LMAN1L: variants seen among roughly 807,000 people sequenced by gnomAD.
LMAN1L encodes lectin, mannose binding 1 like, also known as protein ERGIC-53-like.
Under a neutral mutation model 58.3 loss-of-function variants are expected in LMAN1L, and 60 were observed. The ratio of observed to expected loss-of-function variants is 1.03; its 90% confidence interval spans 0.84 to 1.27. LMAN1L has a LOEUF of 1.27. Among genes scored for constraint, LMAN1L ranks in the 50% most tolerant of loss-of-function variants. LMAN1L has a pLI of 0.00. For synonymous variants in LMAN1L, 280 were observed against 271.6 expected, an observed-to-expected ratio of 1.03 and a Z score of -0.31; for missense variants, 629 against 674.0, an observed-to-expected ratio of 0.93 and a Z score of 0.74.
chr15:74,820,385 G>A, intron 7 of LMAN1L: 1 of 624,656 alleles, frequency 1.6e-6, no homozygotes. Flanking sequence ...AACCAGCCAG[G>A]GGGTCAAGGA....
At chr15:74,816,754 C>CA in intron 4 of LMAN1L, 64 bp downstream of exon 4, 4 of 1,484,548 alleles carry the variant, frequency 2.7e-6, no homozygotes, top group Non-Finnish European at 3.7e-6. Context: ...CCATCCCCCC[C>CA]ATCCGAGCCC....
chr15:74,817,870 G>A (rs1357102912), intron 4 of LMAN1L, among the ~76,000 whole-genome samples: 4 of 151,966 alleles, frequency 2.6e-5, no homozygotes, highest in African/African-American at 7.3e-5. Context: ...AAAATTAGCC[G>A]GGTGTGGTGG....
At chr15:74,823,425 C>G in intron 11 of LMAN1L, 134 bp from the exon 12 acceptor site, 2 of 903,816 alleles carry the variant, frequency 2.2e-6, no homozygotes, top group Non-Finnish European at 3.4e-6. Context: ...GACCAGCCCC[C>G]AAGAAGGGGC....
At position 74,824,407 on chromosome 15, in the gene LMAN1L, C is replaced by T. The variant is rs1225259387; in HGVS notation, c.1380C>T (p.Cys460=). Residue 460 remains cysteine (C), a synonymous_variant, in exon 13 of 14, where the codon TGC becomes TGT. Coordinates refer to ENST00000309664, the MANE Select transcript of LMAN1L (RefSeq NM_021819.3). ...PPGQPPRASS[C]LQPGIFLFYL... ...GCCAGCCCCCAAGGGCCTCCTCGTG[C>T]CTGCAGCCTGGCATCTTCCTGTTCT... 1.2e-6 allele frequency: 2 copies of T among 1,613,828 alleles called. No homozygotes were observed. The highest frequency in any genetic ancestry group is 1.3e-5 in the African/African-American group (1 of 74,938).
intron 5 of LMAN1L, 136 bp downstream of exon 5, chr15:74,818,953 A>G: frequency 1.0e-6 from 1 of 974,962 alleles, no homozygotes; most frequent in Non-Finnish European, 1.5e-6. Flanking sequence ...TCCACAGGGG[A>G]TCCTCCATCC....
chr15:74,825,669 A>G lies in LMAN1L; in HGVS notation c.*64A>G. ...CAGTGTCTTGGGTGGGGGCTTGGTCAGTATCCTCTCCGTCTGGGTGCCCAG... is the reference window on the plus strand; with the variant it reads ...CAGTGTCTTGGGTGGGGGCTTGGTCGGTATCCTCTCCGTCTGGGTGCCCAG... On this transcript the variant is annotated 3_prime_UTR_variant, in exon 14 of 14. Coordinates refer to ENST00000309664, the MANE Select transcript of LMAN1L (RefSeq NM_021819.3). 6.5e-7 allele frequency: 1 copy of G among 1,548,558 alleles called. No individual in the cohort carries two copies. The highest frequency in any genetic ancestry group is 2.3e-5 in the East Asian group (1 of 43,920).
chr15:74,814,391 T>TTTG (rs1460685145), intron 1 of LMAN1L, among the ~76,000 whole-genome samples: 1 of 138,158 alleles, frequency 7.2e-6, no homozygotes, highest in Non-Finnish European at 1.6e-5. Context: ...TTTTTTTTTT[T>TTTG]GAGACGGAGT....
intron 13 of LMAN1L, 187 bp downstream of exon 13, chr15:74,824,665 C>T: frequency 1.6e-6 from 1 of 625,268 alleles, no homozygotes; most frequent in Non-Finnish European, 2.7e-6. Context: ...CTGCTCGGCC[C>T]CCAGCCCCAT....
At chr15:74,813,491 C>G (rs970032148) in intron 1 of LMAN1L, 12 of 456,970 alleles carry the variant, frequency 2.6e-5, no homozygotes, top group Admixed American at 1.2e-4. Context: ...TGAGTGGGCA[C>G]CAGCCCTTCC....
rs1426901701 is a variant in LMAN1L at position 74,822,659 on chromosome 15, T to C, written c.1149T>C (p.Gly383=). 1 of 1,614,016 alleles carries C rather than the reference T, an allele frequency of 6.2e-7. No individual in the cohort carries two copies. The highest frequency in any genetic ancestry group is 1.7e-5 in the Admixed American group (1 of 60,006). ...CTCTGCAGGACTCTGCCAAGGTCGG[T>C]GCCCTGCTCCATGGACAGTGGACTC... ...MSLNKDSAKV[G]ALLHGQWTLL... The change falls in exon 11 of 14, where the codon GGT becomes GGC. Residue 383 remains glycine, a synonymous_variant. Transcript: ENST00000309664.
chr15:74,823,930 C>A, intron 12 of LMAN1L: 2 of 551,632 alleles, frequency 3.6e-6, no homozygotes, highest in South Asian at 4.5e-5. Context: ...CAGCAGGGCC[C>A]TGGACACCCC....
rs764180457 is a variant in LMAN1L, at chr15:74,816,173, G to C, written c.192G>C (p.Leu64=). ...TGTCCACAGACGCCATCCTGGGCCT[G>C]GAGGAAGTGCGGCTGACGCCATCCA... ...WSHHGDAILG[L]EEVRLTPSMR... Residue 64 remains leucine (L), a synonymous_variant, in exon 2 of 14, where the codon CTG becomes CTC. Transcript: ENST00000309664. 2 of 1,551,580 alleles carry C rather than the reference G, an allele frequency of 1.3e-6. No individual in the cohort carries two copies. Among genetic ancestry groups the C allele is most frequent in the Non-Finnish European group, 1.7e-6 (2 of 1,148,250 alleles).
intron 1 of LMAN1L, among the ~76,000 whole-genome samples, chr15:74,814,565 G>C (rs1377987591): frequency 6.6e-6 from 1 of 152,098 alleles, no homozygotes; most frequent in African/African-American, 2.4e-5. Flanking sequence ...AGTAGAGATG[G>C]GGTTTCACCT....
chr15:74,824,382 G>A lies in LMAN1L; in HGVS notation c.1355G>A (p.Gly452Asp). Residue 452 changes from glycine to aspartate, a missense_variant, in exon 13 of 14, where the codon GGC becomes GAC. Gly to Asp is a moderately conservative substitution (Grantham distance 94). Coordinates refer to ENST00000309664, the MANE Select transcript of LMAN1L (RefSeq NM_021819.3). Reference protein sequence around the residue: ...KAAAKAPRPPGQPPRASSCLQ... With the variant: ...KAAAKAPRPPDQPPRASSCLQ... ...GCAGCCAAGGCCCCCCGCCCACCTG[G>A]CCAGCCCCCAAGGGCCTCCTCGTGC... The A allele has an allele frequency of 6.2e-7, 1 of 1,613,874 alleles. No individual in the cohort carries two copies. The highest frequency in any genetic ancestry group is 8.5e-7 in the Non-Finnish European group (1 of 1,179,798).
At chr15:74,818,959 C>G in intron 5 of LMAN1L, 142 bp downstream of exon 5, 1 of 968,918 alleles carries the variant, frequency 1.0e-6, no homozygotes, top group Non-Finnish European at 1.5e-6. Context: ...GGGGATCCTC[C>G]ATCCCTACAC....
chr15:74,821,686 C>A, intron 9 of LMAN1L, 143 bp from the exon 10 acceptor site: 1 of 622,972 alleles, frequency 1.6e-6, no homozygotes, highest in Non-Finnish European at 2.9e-6. Context: ...CAGAGGAGGC[C>A]AGCAGCTCTT....
Position 74,816,690 on chromosome 15 carries a change from G to A in LMAN1L, c.497G>A (p.Gly166Glu). Residue 166 changes from glycine to glutamate, a missense_variant and splice_region_variant, in exon 4 of 14, where the codon GGG becomes GAG. Around this residue, in one of 3 missense-constraint regions of LMAN1L, gnomAD observed 573 missense variants for 597.3 expected, o/e 0.96. Transcript: ENST00000309664. The stretch of plus-strand genomic sequence containing the variant: ...GGGCACATCCCCTCTGAGCAGCCTG[G>A]GTAAGGGCCTGTCTGGACTGACCAC... ...SDGHIPSEQP[G>E]DGASQGLGSC... is the part of the protein sequence containing the mutation. The A allele has an allele frequency of 6.2e-7, 1 of 1,613,778 alleles. No individual in the cohort carries two copies. The highest frequency in any genetic ancestry group is 8.5e-7 in the Non-Finnish European group (1 of 1,179,810).
Position 74,819,008 on chromosome 15 carries a change from G to T in LMAN1L, c.598-144G>T, listed in dbSNP as rs2063904921. The stretch of plus-strand genomic sequence containing the variant: ...TCACCCAGAGCACATACATGTAAGG[G>T]CTCACATGAGACCAGGAGTGCGGGT... On this transcript the variant is annotated intron_variant, in intron 5 of 13. Coordinates refer to ENST00000309664, the MANE Select transcript of LMAN1L (RefSeq NM_021819.3). 3 of 1,061,500 alleles carry T rather than the reference G, an allele frequency of 2.8e-6. No individual in the cohort carries two copies. The Admixed American group carries it at 6.7e-5, about 24-fold the overall frequency. 65.8% of individuals were successfully genotyped at this position (1,061,500 alleles called of 1,614,324 possible). A position where few individuals can be genotyped will look rare whatever the true frequency, so the allele number is the denominator to read the frequency against.
At position 74,822,665 on chromosome 15, in the gene LMAN1L, G is replaced by C; in HGVS notation, c.1155G>C (p.Leu385=). The C allele has an allele frequency of 6.2e-7, 1 of 1,614,094 alleles. No homozygotes were observed. The highest frequency in any genetic ancestry group is 8.5e-7 in the Non-Finnish European group (1 of 1,179,988). The change falls in exon 11 of 14, where the codon CTG becomes CTC. Residue 385 remains leucine (L), a synonymous_variant. Transcript: ENST00000309664. ...AGGACTCTGCCAAGGTCGGTGCCCTGCTCCATGGACAGTGGACTCTGCTCC... is the reference window on the plus strand; with the variant it reads ...AGGACTCTGCCAAGGTCGGTGCCCTCCTCCATGGACAGTGGACTCTGCTCC... The part of the protein sequence containing the change: ...LNKDSAKVGA[L]LHGQWTLLQA...
Sources: allele counts gnomAD v4.1 joint callset (sites outside exome capture counted in the v4.1 genomes callset), GRCh38; gene constraint gnomAD v4.1.1; regional missense constraint gnomAD v4.1.1; transcripts MANE v1.5; gene names NCBI Gene and HGNC (gene_info 2026-07-23, HGNC 2026-07-21).